Variants in HDAC9 observed in about 807,000 individuals in gnomAD.
HDAC9 encodes the protein MEF-2 interacting transcription repressor (MITR) protein.
Under a neutral mutation model 139.4 loss-of-function variants are expected in HDAC9, and 41 were observed. The ratio of observed to expected loss-of-function variants is 0.29; its 90% CI spans 0.23 to 0.38. The LOEUF is 0.38. Ranked by LOEUF, HDAC9 falls within the 10% of genes least tolerant of loss-of-function variation. The probability of loss-of-function intolerance (pLI) is 1.00; values close to 1 mark genes in which losing one functional copy is unlikely to be tolerated. For missense variants in HDAC9, 1,147 were observed against 1,297.0 expected (o/e 0.88, Z 1.78); for synonymous variants, 517 against 476.2 (o/e 1.09, Z -1.12).
intron 3 of HDAC9, among the ~76,000 whole-genome samples, chr7:18,586,998 A>G (rs1435906072): frequency 6.6e-6 from 1 of 152,104 alleles, no homozygotes; most frequent in African/African-American, 2.4e-5. Flanking sequence ...AAATGAGTAA[A>G]ATGTACATTT....
intron 12 of HDAC9, among the ~76,000 whole-genome samples, chr7:18,683,823 C>T (rs10272939): frequency 0.35 from 52,973 of 151,848 alleles, 14,129 homozygotes; most frequent in African/African-American, 0.73. Flanking sequence ...GAGTTTTCTA[C>T]GTGTAATTTC....
chr7:18,921,759 C>A (rs1255061873), intron 22 of HDAC9, among the ~76,000 whole-genome samples: 2 of 152,062 alleles, frequency 1.3e-5, no homozygotes, highest in African/African-American at 2.4e-5. Context: ...AATCATGCTG[C>A]TATAAAGACA....
At chr7:18,602,187 A>G (rs898714710) in intron 6 of HDAC9, among the ~76,000 whole-genome samples, 1 of 152,058 alleles carries the variant, frequency 6.6e-6, no homozygotes, top group Non-Finnish European at 1.5e-5. Context: ...TGTGAGTTTT[A>G]GTAATTTGTG....
intron 1 of HDAC9, among the ~76,000 whole-genome samples, chr7:18,454,408 C>T (rs879930338): frequency 1.3e-5 from 2 of 151,938 alleles, no homozygotes; most frequent in Non-Finnish European, 2.9e-5. Context: ...ATAAATAGGT[C>T]AAGTACTGTC....
intron 17 of HDAC9, among the ~76,000 whole-genome samples, chr7:18,796,171 C>G (rs1792784424): frequency 6.6e-6 from 1 of 151,952 alleles, no homozygotes; most frequent in Non-Finnish European, 1.5e-5. Context: ...TATGATGTGC[C>G]TGGATATAGT....
Position 18,724,962 on chromosome 7 carries a change from A to G in HDAC9, c.1732-2618A>G, listed in dbSNP as rs1014474960. 6.6e-5 allele frequency among the ~76,000 whole-genome samples: 10 copies of G among 152,308 alleles called. No homozygotes were observed. The South Asian group carries it at 8.3e-4, about 13-fold the overall frequency. On this transcript the variant is annotated intron_variant, in intron 12 of 25. Transcript: ENST00000686413. ...GGGAAAGCGCAATTAATGTGTGTTC[A>G]AAAAACACTGTGAAATTTTAAGTGG...
intron 13 of HDAC9, among the ~76,000 whole-genome samples, chr7:18,732,516 C>T (rs1461744213): frequency 6.8e-6 from 1 of 147,138 alleles, no homozygotes; most frequent in East Asian, 2.1e-4. Flanking sequence ...TACATATATA[C>T]ACTGTATGTA....
intron 21 of HDAC9, among the ~76,000 whole-genome samples, chr7:18,862,638 A>G (rs1798197189): frequency 6.6e-6 from 1 of 152,182 alleles, no homozygotes; most frequent in Admixed American, 6.6e-5. Context: ...ACAGTGTTCC[A>G]ATGCTCATCA....
intron 12 of HDAC9, among the ~76,000 whole-genome samples, chr7:18,710,061 G>A (rs1341720246): frequency 1.3e-5 from 2 of 152,180 alleles, no homozygotes; most frequent in African/African-American, 4.8e-5. Context: ...ATGGTGGAAG[G>A]CAAAGAGGAG....
rs113085014 is a variant in HDAC9 at position 18,753,270 on chromosome 7, G to A, written c.2043+4132G>A. Among the ~76,000 whole-genome samples, 944 of 152,124 alleles carry A rather than the reference G, an allele frequency of 6.2e-3. 11 individuals carry two copies. Among genetic ancestry groups the A allele is most frequent in the Non-Finnish European group, 8.4e-3 (571 of 67,966 alleles). On this transcript the variant is annotated intron_variant, in intron 14 of 25. Transcript: ENST00000686413. ...GTGATTTTGAAGACTCTTATTGATT[G>A]TGCTTGAGCAAGAAAAAAATGAGGA...
intron 2 of HDAC9, among the ~76,000 whole-genome samples, chr7:18,529,080 C>T (rs1032196095): frequency 1.3e-5 from 2 of 151,370 alleles, no homozygotes; most frequent in Admixed American, 6.6e-5. Context: ...TTATATGACT[C>T]AATGTTAAGA....
chr7:18,843,176 G>A (rs931725850), intron 21 of HDAC9, among the ~76,000 whole-genome samples: 1 of 152,060 alleles, frequency 6.6e-6, no homozygotes, highest in African/African-American at 2.4e-5. Flanking sequence ...CTTTTCTCTA[G>A]AAGTTCTTTC....
intron 2 of HDAC9, among the ~76,000 whole-genome samples, chr7:18,183,682 G>A (rs990677512): frequency 2.0e-5 from 3 of 152,002 alleles, no homozygotes; most frequent in African/African-American, 4.8e-5. Flanking sequence ...TGGGGGTCTC[G>A]CTATGTTGCC....
intron 1 of HDAC9, among the ~76,000 whole-genome samples, chr7:18,317,732 G>T (rs1258120239): frequency 3.3e-5 from 5 of 152,138 alleles, no homozygotes; most frequent in Admixed American, 3.3e-4. Flanking sequence ...TTGTTTCGGG[G>T]GATGGGACTT....
intron 23 of HDAC9, among the ~76,000 whole-genome samples, chr7:18,950,592 T>C (rs771590342): frequency 2.6e-5 from 4 of 152,054 alleles, no homozygotes; most frequent in Non-Finnish European, 5.9e-5. Flanking sequence ...CATCTTCGTC[T>C]TTAAATGGCT....
intron 1 of HDAC9, among the ~76,000 whole-genome samples, chr7:18,297,908 G>T (rs189017178): frequency 3.3e-4 from 51 of 152,244 alleles, no homozygotes; most frequent in Middle Eastern, 3.4e-3. Flanking sequence ...CCTTAATGAC[G>T]TTCCATCCTG....
intron 1 of HDAC9, among the ~76,000 whole-genome samples, chr7:18,130,722 A>G (rs963708085): frequency 1.3e-5 from 2 of 152,080 alleles, no homozygotes; most frequent in African/African-American, 4.8e-5. Flanking sequence ...TATTTTGGAT[A>G]TTTCATATAC....
chr7:18,208,733 T>TA (rs1009140634), intron 2 of HDAC9, among the ~76,000 whole-genome samples: 10 of 151,858 alleles, frequency 6.6e-5, no homozygotes, highest in Non-Finnish European at 7.4e-5. Flanking sequence ...GAAAAAAATT[T>TA]AAAAAAAAAT....
chr7:18,329,319 C>T (rs888657523), intron 1 of HDAC9, among the ~76,000 whole-genome samples: 1 of 151,604 alleles, frequency 6.6e-6, no homozygotes, highest in Non-Finnish European at 1.5e-5. Context: ...TTAACGTTCT[C>T]ACCACAAAAT....
Sources: gnomAD v4.1 joint callset for allele counts (sites outside exome capture counted in the v4.1 genomes callset) on GRCh38, gnomAD v4.1.1 for gene constraint, MANE v1.5 for transcripts, NCBI Gene and HGNC (gene_info 2026-07-23, HGNC 2026-07-21) for gene names.